MAST4: variants seen among roughly 807,000 people sequenced by gnomAD.
MAST4 encodes microtubule associated serine/threonine kinase family member 4, also known as microtubule-associated serine/threonine-protein kinase 4.
Under a neutral mutation model 162.7 loss-of-function variants are expected in MAST4, and 89 were observed. The ratio of observed to expected loss-of-function variants is 0.55; its 90% CI spans 0.46 to 0.65. MAST4 has a LOEUF of 0.65. Among genes scored for constraint, MAST4 ranks in the 30% least tolerant of loss-of-function variants. MAST4 has a pLI of 0.00. For synonymous variants in MAST4, 1,479 were observed against 1,361.1 expected, an observed-to-expected ratio of 1.09 and a Z score of -1.91; for missense variants, 3,153 against 3,374.0, an observed-to-expected ratio of 0.93 and a Z score of 1.62.
chr5:67,008,023 G>T (rs971057809), intron 4 of MAST4, among the ~76,000 whole-genome samples: 1 of 152,204 alleles, frequency 6.6e-6, no homozygotes, highest in African/African-American at 2.4e-5. Context: ...TGGCAGACAT[G>T]AGATTGTTGG....
intron 1 of MAST4, among the ~76,000 whole-genome samples, chr5:66,606,522 C>T (rs115914697): frequency 3.9e-5 from 6 of 152,280 alleles, no homozygotes; most frequent in Non-Finnish European, 7.4e-5. Flanking sequence ...ACTTTAAAAG[C>T]TGAAGTTAGC....
intron 4 of MAST4, among the ~76,000 whole-genome samples, chr5:66,981,180 T>G (rs928323108): frequency 2.0e-4 from 13 of 65,030 alleles, no homozygotes; most frequent in African/African-American, 8.5e-4. Flanking sequence ...CCACTTATTT[T>G]TAAGCCTCCA....
intron 2 of MAST4, 69 bp from the exon 3 acceptor site, chr5:66,788,601 C>CCCCCCCCAAAAAAAAAAAAAAAAAA: frequency 2.5e-6 from 3 of 1,179,560 alleles, no homozygotes; most frequent in Non-Finnish European, 3.6e-6. Context: ...ACCCCACCCC[C>CCCCCCCCAAAAAAAAAAAAAAAAAA]ACCCCCATTG....
At chr5:67,136,356 C>G (rs1769645725) in intron 18 of MAST4, among the ~76,000 whole-genome samples, 1 of 152,192 alleles carries the variant, frequency 6.6e-6, no homozygotes. Flanking sequence ...ATCTATGCTA[C>G]TTATGTCTTG....
chr5:66,946,670 C>T (rs1308268491), intron 4 of MAST4, among the ~76,000 whole-genome samples: 1 of 152,072 alleles, frequency 6.6e-6, no homozygotes, highest in Non-Finnish European at 1.5e-5. Flanking sequence ...GTGAATGTTC[C>T]AGGTGTATTG....
intron 4 of MAST4, among the ~76,000 whole-genome samples, chr5:66,904,551 A>G (rs1010418129): frequency 6.6e-6 from 1 of 152,192 alleles, no homozygotes; most frequent in Non-Finnish European, 1.5e-5. Flanking sequence ...GCATTGTTTC[A>G]TGGCCTTGTA....
chr5:66,693,273 T>G (rs920016646), intron 1 of MAST4, among the ~76,000 whole-genome samples: 2 of 152,208 alleles, frequency 1.3e-5, no homozygotes, highest in Non-Finnish European at 2.9e-5. Flanking sequence ...GTTGACTGTG[T>G]TTGATACAGT....
In MAST4 at chr5:67,145,156, A is replaced by G. The variant is rs372540449; in HGVS notation, c.2871A>G (p.Ser957=). 7 of 1,609,518 alleles carry G rather than the reference A, an allele frequency of 4.3e-6. No homozygotes were observed. In the African/African-American group the frequency reaches 8.0e-5, roughly 18 times the overall value. ...SSEYSEMQQL[S]TSNSSDTESN... ...GCTTTTAATTAAGGCAACAGCTATCAACATCCAACTCTTCAGATACTGAAA... is the reference window on the plus strand; with the variant it reads ...GCTTTTAATTAAGGCAACAGCTATCGACATCCAACTCTTCAGATACTGAAA... Residue 957 remains serine, a synonymous_variant, in exon 23 of 29, where the codon TCA becomes TCG. Transcript: ENST00000403625.
rs1182796400 is a variant in MAST4 at position 67,019,453 on chromosome 5, T to C, written c.675-34951T>C. The stretch of plus-strand genomic sequence containing the variant: ...ATTACCATCTCCCCACAGGCTTAAA[T>C]GTTAAACCTCAAGATCTAAACTTTA... On this transcript the variant is annotated intron_variant, in intron 4 of 28. Transcript: ENST00000403625. Among the ~76,000 whole-genome samples, 5 of 152,236 alleles carry C rather than the reference T, an allele frequency of 3.3e-5. No homozygotes were observed. The East Asian group carries it at 9.6e-4, about 29-fold the overall frequency.
intron 2 of MAST4, among the ~76,000 whole-genome samples, chr5:66,777,709 G>A (rs1160595736): frequency 1.3e-5 from 2 of 152,154 alleles, no homozygotes; most frequent in Non-Finnish European, 2.9e-5. Context: ...AAGAGGAAGA[G>A]ATGACTCTTA....
At chr5:66,975,010 T>C (rs1747952186) in intron 4 of MAST4, among the ~76,000 whole-genome samples, 1 of 152,186 alleles carries the variant, frequency 6.6e-6, no homozygotes, top group Non-Finnish European at 1.5e-5. Context: ...AAGGAGTCTT[T>C]GCAGATGTGA....
At chr5:66,869,559 T>G (rs371364493) in intron 3 of MAST4, among the ~76,000 whole-genome samples, 2 of 152,228 alleles carry the variant, frequency 1.3e-5, no homozygotes, top group African/African-American at 4.8e-5. Context: ...CTGCTACTTA[T>G]AACATTTCCT....
At chr5:66,613,053 G>C (rs1743397789) in intron 1 of MAST4, among the ~76,000 whole-genome samples, 1 of 151,998 alleles carries the variant, frequency 6.6e-6, no homozygotes, top group East Asian at 1.9e-4. Context: ...TTTGTATCTT[G>C]CTAGGTAATT....
Position 66,596,573 on chromosome 5 carries a change from CA to C in MAST4, c.-82del, listed in dbSNP as rs1742188954. ...GCGGCAGTGCCAGTGAGCCTGAGCC[CA>C]GGAGCCCGCGTCTTCCCCGGGAGGC... On this transcript the variant is annotated 5_prime_UTR_variant, in exon 1 of 29. Coordinates refer to ENST00000403625, the MANE Select transcript of MAST4 (RefSeq NM_001164664.2). The C allele has an allele frequency of 7.5e-7, 1 of 1,330,526 alleles. No individual in the cohort carries two copies. The highest frequency in any genetic ancestry group is 9.6e-7 in the Non-Finnish European group (1 of 1,044,152). The allele number at this position is 1,330,526 out of a possible 1,614,324, so 82.4% of individuals were successfully genotyped here.
chr5:66,639,747 A>G (rs1745360035), intron 1 of MAST4, among the ~76,000 whole-genome samples: 1 of 152,164 alleles, frequency 6.6e-6, no homozygotes, highest in Non-Finnish European at 1.5e-5. Flanking sequence ...AAAATGTAAA[A>G]TTAAACCTAA....
At chr5:67,140,445 A>G (rs1770232879) in intron 19 of MAST4, among the ~76,000 whole-genome samples, 1 of 152,262 alleles carries the variant, frequency 6.6e-6, no homozygotes, top group African/African-American at 2.4e-5. Context: ...GCTATAGAAC[A>G]GCCACGTGAG....
intron 5 of MAST4, among the ~76,000 whole-genome samples, chr5:67,086,264 A>C (rs1763220720): frequency 6.6e-6 from 1 of 152,236 alleles, no homozygotes; most frequent in Non-Finnish European, 1.5e-5. Flanking sequence ...AGCTATTAAA[A>C]GCACATTAAT....
intron 3 of MAST4, among the ~76,000 whole-genome samples, chr5:66,822,065 C>A (rs982097304): frequency 6.6e-6 from 1 of 152,192 alleles, no homozygotes; most frequent in East Asian, 1.9e-4. Context: ...ATAATATTTT[C>A]ATTTTACAAA....
intron 4 of MAST4, among the ~76,000 whole-genome samples, chr5:66,971,658 T>C (rs1052187125): frequency 6.6e-6 from 1 of 152,240 alleles, no homozygotes; most frequent in Non-Finnish European, 1.5e-5. Context: ...TTTTTGAATA[T>C]ATTGAAATTA....
Sources: gnomAD v4.1 joint callset for allele counts (sites outside exome capture counted in the v4.1 genomes callset) on GRCh38, gnomAD v4.1.1 for gene constraint, MANE v1.5 for transcripts, NCBI Gene and HGNC (gene_info 2026-07-23, HGNC 2026-07-21) for gene names.